Variants in CCDC22 observed in about 807,000 individuals in gnomAD.
CCDC22 encodes the protein coiled-coil domain-containing protein 22.
A neutral mutation model predicts 53.1 loss-of-function variants in CCDC22; 4 were observed. That is an observed-to-expected ratio of 0.08 (90% CI 0.04 to 0.17). The LOEUF is 0.17. CCDC22 is among the 10% of genes least tolerant of loss of function. CCDC22 has a pLI of 1.00. For synonymous variants in CCDC22, 222 were observed against 224.4 expected (o/e 0.99, Z 0.10); for missense variants, 458 against 554.0 (o/e 0.83, Z 1.74).
chrX:49,239,271 G>C (rs782474059), intron 2 of CCDC22: 1 of 138,596 alleles, frequency 7.2e-6, no homozygotes, highest in Non-Finnish European at 1.3e-5. Flanking sequence ...GAGCCACCGC[G>C]TCTGGCTCTC....
chrX:49,248,512 G>T lies in CCDC22; in HGVS notation c.1318G>T (p.Asp440Tyr). ...AEYRHLRKLQDCRELESSRRL... is the reference protein window; with the variant it reads ...AEYRHLRKLQYCRELESSRRL... ...GTACCGCCACCTCCGAAAGCTGCAG[G>T]ATTGCAGAGAGGTAAGCAGTGGGGC... Residue 440 changes from aspartate to tyrosine, a missense_variant, in exon 11 of 17, where the codon GAT becomes TAT. Physicochemically the swap from Asp to Tyr is radical, Grantham distance 160 (BLOSUM62 -3). Transcript: ENST00000376227. The T allele has an allele frequency of 8.3e-7, 1 of 1,209,240 alleles. No individual in the cohort carries two copies.
At chrX:49,244,344 G>A (rs185353635) in intron 6 of CCDC22, among the ~76,000 whole-genome samples, 144 of 108,282 alleles carry the variant, frequency 1.3e-3, no homozygotes, top group Non-Finnish European at 5.9e-4. Context: ...GTCCCCTTCT[G>A]CTCTGTCCAC....
At chrX:49,245,977 T>G (rs1033140165) in intron 6 of CCDC22, among the ~76,000 whole-genome samples, 2,506 of 37,822 alleles carry the variant, frequency 0.066, 86 homozygotes, top group African/African-American at 0.1. Flanking sequence ...GTTTTGTTTT[T>G]TTTTTGTTTT....
chrX:49,245,907 C>A (rs2065986651), intron 6 of CCDC22, among the ~76,000 whole-genome samples: 1 of 111,913 alleles, frequency 8.9e-6, no homozygotes, highest in South Asian at 3.7e-4. Flanking sequence ...ACCACTGGAC[C>A]ATTTTCATGG....
Position 49,248,416 on chromosome X carries a change from G to C in CCDC22, c.1222G>C (p.Glu408Gln). The C allele has an allele frequency of 3.3e-6, 4 of 1,210,742 alleles. No individual in the cohort carries two copies. The highest frequency in any genetic ancestry group is 4.5e-6 in the Non-Finnish European group (4 of 895,187). Residue 408 changes from glutamate (E) to glutamine (Q), a missense_variant, in exon 11 of 17, where the codon GAG becomes CAG. This residue lies in a region of CCDC22 where 309 missense variants were observed against 312.3 expected (regional missense o/e 0.99). Transcript: ENST00000376227. ...ACCCATCCCCCACCAGCTTGTGGTG[G>C]AGAATAGTGCCCAGCGGGTCATCCA... ...ANLAKLQLVV[E>Q]NSAQRVIHLA...
chrX:49,248,791 G>A, intron 12 of CCDC22, 26 bp from the exon 13 acceptor site: 1 of 1,206,533 alleles, frequency 8.3e-7, no homozygotes, highest in Non-Finnish European at 1.1e-6. Flanking sequence ...TGGTCCTGGG[G>A]CAGTGCCTGC....
At chrX:49,246,346 C>T (rs1300836964) in intron 6 of CCDC22, among the ~76,000 whole-genome samples, 2 of 112,181 alleles carry the variant, frequency 1.8e-5, no homozygotes, top group Non-Finnish European at 3.8e-5. Context: ...ACTCTGTTGT[C>T]CCTCTCTTGC....
In CCDC22 at chrX:49,243,153, G is replaced by C; in HGVS notation, c.504G>C (p.Arg168Ser). ...TCCAGAAGCCTTTCCATGCCAGCAG[G>C]CTGGTCGTGCCAGAATTGAGTTCCA... ...SALQKPFHAS[R>S]LVVPELSSRG... The change falls in exon 5 of 17, where the codon AGG (arginine) becomes AGC (serine). Residue 168 changes from arginine (R) to serine (S), a missense_variant. By Grantham distance (110) the Arg-to-Ser change is moderately radical. Transcript: ENST00000376227. 1.7e-6 allele frequency: 2 copies of C among 1,211,833 alleles called. No homozygotes were observed. The highest frequency in any genetic ancestry group is 2.2e-6 in the Non-Finnish European group (2 of 895,308).
At chrX:49,246,203 C>T (rs2065988970) in intron 6 of CCDC22, among the ~76,000 whole-genome samples, 1 of 111,651 alleles carries the variant, frequency 9.0e-6, no homozygotes, top group Admixed American at 9.5e-5. Context: ...ATCTCCTGAC[C>T]TCAGGTGATC....
chrX:49,237,119 C>T lies in CCDC22; in HGVS notation c.84C>T (p.Ala28=), dbSNP rs150472201. The T allele has an allele frequency of 3.2e-5, 39 of 1,210,321 alleles. No individual in the cohort carries two copies. In the South Asian group the frequency reaches 4.2e-4, roughly 13 times the overall value. Residue 28 remains alanine (A), a synonymous_variant, in exon 2 of 17, where the codon GCC becomes GCT. Coordinates refer to ENST00000376227, the MANE Select transcript of CCDC22 (RefSeq NM_014008.5). ...AVPPDVQTLR[A]FTTELVVEAV... The stretch of plus-strand genomic sequence containing the variant: ...CTCCAGATGTGCAGACCTTGCGCGC[C>T]TTCACCACTGAGCTGGTTGTAGAGG...
intron 6 of CCDC22, among the ~76,000 whole-genome samples, chrX:49,244,474 C>T (rs1420647835): frequency 9.0e-6 from 1 of 110,667 alleles, no homozygotes; most frequent in African/African-American, 3.3e-5. Context: ...TGCCCCTTCC[C>T]TCTGTCCCCT....
rs1373994536 is a variant in CCDC22 at position 49,246,711 on chromosome X, C to T, written c.715-20C>T. 16 of 1,114,780 alleles carry T rather than the reference C, an allele frequency of 1.4e-5. No homozygotes were observed. The highest frequency in any genetic ancestry group is 3.7e-5 in the African/African-American group (2 of 54,467). The allele number at this position is 1,114,780 out of a possible 1,213,427, so 91.9% of individuals were successfully genotyped here. On this transcript the variant is annotated intron_variant, in intron 6 of 16. Transcript: ENST00000376227. ...GGTGGGCCCCTACACCTTCCTGCTT[C>T]CCCCGCCTTTTCTCCCCAGGAGGAC... is the stretch of plus-strand genomic sequence containing the variant.
intron 1 of CCDC22, chrX:49,236,855 T>C: frequency 2.9e-6 from 1 of 344,077 alleles, no homozygotes; most frequent in Non-Finnish European, 5.1e-6. Flanking sequence ...TTTTCTAAAC[T>C]GAGTTCTCTT....
At chrX:49,246,585 T>G in intron 6 of CCDC22, 146 bp from the exon 7 acceptor site, 1 of 433,999 alleles carries the variant, frequency 2.3e-6, no homozygotes, top group Non-Finnish European at 3.8e-6. Context: ...AGCAGGAGAG[T>G]AGAGCAGGGC....
chrX:49,248,404 C>T lies in CCDC22; in HGVS notation c.1213-3C>T, dbSNP rs1474072854. 1 of 1,209,421 alleles carries T rather than the reference C, an allele frequency of 8.3e-7. No individual in the cohort carries two copies. Among genetic ancestry groups the T allele is most frequent in the Non-Finnish European group, 1.1e-6 (1 of 894,422 alleles). On this transcript the variant is annotated splice_region_variant and splice_polypyrimidine_tract_variant and intron_variant, in intron 10 of 16. Transcript: ENST00000376227. ...TGTGTGACATGTACCCATCCCCCAC[C>T]AGCTTGTGGTGGAGAATAGTGCCCA...
chrX:49,245,091 T>C (rs1489449206), intron 6 of CCDC22, among the ~76,000 whole-genome samples: 1 of 109,118 alleles, frequency 9.2e-6, no homozygotes, highest in African/African-American at 3.4e-5. Context: ...TCTGCTCTCC[T>C]ATTTCTGTTC....
intron 1 of CCDC22, 139 bp downstream of exon 1, chrX:49,235,825 T>TCACACACACA (rs2065933641): frequency 3.9e-6 from 1 of 253,545 alleles, no homozygotes; most frequent in African/African-American, 6.6e-5. Context: ...CCTCACCCCC[T>TCACACACACA]TACACACACA....
chrX:49,242,736 G>A (rs782538969), intron 3 of CCDC22, 150 bp from the exon 4 acceptor site: 71 of 393,191 alleles, frequency 1.8e-4, no homozygotes, highest in African/African-American at 1.1e-3. Context: ...GTAGGTGCTC[G>A]GTGTTTGTTG....
At chrX:49,238,999 CT>C (rs1228839720) in intron 2 of CCDC22, among the ~76,000 whole-genome samples, 95 of 104,385 alleles carry the variant, frequency 9.1e-4, no homozygotes, top group Admixed American at 1.4e-3. Context: ...TTGGGCCAGT[CT>C]TTTTTTTTTT....
Sources: allele counts gnomAD v4.1 joint callset (sites outside exome capture counted in the v4.1 genomes callset), GRCh38; gene constraint gnomAD v4.1.1; regional missense constraint gnomAD v4.1.1; transcripts MANE v1.5; gene names NCBI Gene and HGNC (gene_info 2026-07-23, HGNC 2026-07-21).